The following HEPH variants were observed in gnomAD, a reference collection of about 807,000 sequenced individuals.
The protein encoded by HEPH is hephaestin.
In HEPH, 69 loss-of-function variants were observed where a neutral mutation model predicts 80.8. That is an observed-to-expected ratio of 0.85 (90% CI 0.70 to 1.04). HEPH has a LOEUF of 1.04. HEPH is among the 50% of genes least tolerant of loss of function. HEPH has a pLI of 0.00. For synonymous variants in HEPH, 431 were observed against 322.8 expected (o/e 1.34, Z -3.60); for missense variants, 1,115 against 891.3 (o/e 1.25, Z -3.20).
intron 15 of HEPH, among the ~76,000 whole-genome samples, chrX:66,226,873 C>T (rs971646430): frequency 9.0e-6 from 1 of 111,266 alleles, no homozygotes; most frequent in African/African-American, 3.3e-5. Flanking sequence ...GATTTGGTAC[C>T]CATGTTATTG....
At chrX:66,172,714 A>T in intron 3 of HEPH, 115 bp downstream of exon 3, 1 of 810,212 alleles carries the variant, frequency 1.2e-6, no homozygotes, top group Admixed American at 3.3e-5. Flanking sequence ...TATTTATCTG[A>T]GGTGGCAAAG....
intron 15 of HEPH, among the ~76,000 whole-genome samples, chrX:66,216,861 CAGCATA>C (rs761453972): frequency 2.7e-5 from 3 of 111,312 alleles, no homozygotes; most frequent in Non-Finnish European, 5.7e-5. Flanking sequence ...GTGAAATAGA[CAGCATA>C]AGTAAATAGT....
At chrX:66,187,899 T>TC (rs1269078195) in intron 4 of HEPH, among the ~76,000 whole-genome samples, 1 of 112,529 alleles carries the variant, frequency 8.9e-6, no homozygotes. Context: ...TTATTTTTTT[T>TC]CTTGCTTCAC....
intron 11 of HEPH, 198 bp from the exon 12 acceptor site, chrX:66,200,342 G>T (rs1246785940): frequency 7.0e-6 from 3 of 427,553 alleles, no homozygotes; most frequent in Non-Finnish European, 1.2e-5. Flanking sequence ...AGAAAGGACA[G>T]TTGAGCACTC....
chrX:66,256,399 C>T, intron 17 of HEPH, 69 bp downstream of exon 17: 1 of 730,218 alleles, frequency 1.4e-6, no homozygotes, highest in African/African-American at 2.1e-5. Flanking sequence ...ATTTAATAGG[C>T]CTATTGCTAC....
chrX:66,192,418 G>T (rs2147721762), intron 7 of HEPH, 120 bp downstream of exon 7: 1 of 811,155 alleles, frequency 1.2e-6, no homozygotes, highest in Non-Finnish European at 1.7e-6. Context: ...TCTGGCTGGG[G>T]TTACATGAAC....
At chrX:66,229,098 G>A (rs770955155) in intron 15 of HEPH, among the ~76,000 whole-genome samples, 4 of 112,086 alleles carry the variant, frequency 3.6e-5, no homozygotes, top group Non-Finnish European at 7.5e-5. Context: ...ATAGCAGCAC[G>A]ATTTGCAATT....
chrX:66,244,763 C>A (rs1259936166), intron 15 of HEPH, among the ~76,000 whole-genome samples: 3 of 111,053 alleles, frequency 2.7e-5, no homozygotes, highest in Non-Finnish European at 5.7e-5. Flanking sequence ...TGTGCTGATT[C>A]TTTTTCATCT....
Position 66,192,274 on chromosome X carries a change from G to A in HEPH, c.1208G>A (p.Gly403Glu), listed in dbSNP as rs1361401783. 1 of 1,207,899 alleles carries A rather than the reference G, an allele frequency of 8.3e-7. No individual in the cohort carries two copies. Among genetic ancestry groups the A allele is most frequent in the Non-Finnish European group, 1.1e-6 (1 of 893,778 alleles). ...CCGATGGGGCATGATGGGAGTACTG[G>A]GAAGAATTTGAGAGAGCCAGGCAGG... ...YGPMGHDGST[G>E]KNLREPGSIS... The change falls in exon 7 of 21, where the codon GGG becomes GAG. Residue 403 changes from glycine (G) to glutamate (E), a missense_variant. Physicochemically the swap from Gly to Glu is moderately conservative, Grantham distance 98. This residue lies in a region of HEPH where 391 missense variants were observed against 343.6 expected (regional missense o/e 1.14). Transcript: ENST00000343002.
At chrX:66,268,103 T>C (rs1602601996), downstream of HEPH, 1 of 112,279 alleles carries the variant, frequency 8.9e-6, no homozygotes, top group Middle Eastern at 4.6e-3. Context: ...ATTAAGTAAC[T>C]TCATCCAAGA....
downstream of HEPH, chrX:66,267,468 G>A (rs2091570544): frequency 8.9e-6 from 1 of 111,946 alleles, no homozygotes; most frequent in Non-Finnish European, 1.9e-5. Flanking sequence ...GGGGGTGAGT[G>A]AGTATAGTAT....
At chrX:66,216,491 A>G (rs913355882) in intron 15 of HEPH, among the ~76,000 whole-genome samples, 3 of 111,669 alleles carry the variant, frequency 2.7e-5, no homozygotes, top group African/African-American at 9.8e-5. Flanking sequence ...AGAAATAACA[A>G]TCACTGCAGT....
At position 66,173,644 on chromosome X, in the gene HEPH, C is replaced by T. The variant is rs1237895130; in HGVS notation, c.468C>T (p.Pro156=). The T allele has an allele frequency of 1.7e-6, 2 of 1,209,164 alleles. No individual in the cohort carries two copies. The highest frequency in any genetic ancestry group is 1.8e-5 in the African/African-American group (1 of 57,107). ...SGPLKADDSV[P]PGGSHIYNWT... ...CACTGAAAGCTGATGACTCTGTTCC[C>T]CCGGGGGGCAGCCATATCTACAACT... Residue 156 remains proline, a synonymous_variant, in exon 4 of 21, where the codon CCC becomes CCT. Transcript: ENST00000343002.
chrX:66,164,802 A>C (rs1420996083), intron 1 of HEPH, among the ~76,000 whole-genome samples: 4 of 112,208 alleles, frequency 3.6e-5, no homozygotes, highest in African/African-American at 1.3e-4. Context: ...TCTGAGGATT[A>C]TGTAAGTGGG....
chrX:66,232,362 C>A (rs1215490592), intron 15 of HEPH, among the ~76,000 whole-genome samples: 1 of 111,555 alleles, frequency 9.0e-6, no homozygotes, highest in Non-Finnish European at 1.9e-5. Flanking sequence ...AGTGTTGTTA[C>A]AATAATACTG....
At position 66,231,921 on chromosome X, in the gene HEPH, A is replaced by T. The variant is rs776306810; in HGVS notation, c.2564-23114A>T. 4.1e-3 allele frequency among the ~76,000 whole-genome samples: 455 copies of T among 110,509 alleles called. 4 individuals carry two copies. The highest frequency in any genetic ancestry group is 0.014 in the African/African-American group (426 of 29,939). On this transcript the variant is annotated intron_variant, in intron 15 of 20. Transcript: ENST00000343002. Reference sequence around the variant, plus strand: ...ATGATATTGGCTGTGGATTTGTCATAGATAGCTCTTATTATTTTGAAGTAC... The same window carrying T: ...ATGATATTGGCTGTGGATTTGTCATTGATAGCTCTTATTATTTTGAAGTAC...
In HEPH at chrX:66,187,366, C is replaced by T. The variant is rs2087516954; in HGVS notation, c.626-993C>T. Among the ~76,000 whole-genome samples, 4 of 111,087 alleles carry T rather than the reference C, an allele frequency of 3.6e-5. No homozygotes were observed. In the Admixed American group the frequency reaches 3.8e-4, roughly 11 times the overall value. On this transcript the variant is annotated intron_variant, in intron 4 of 20. Coordinates refer to ENST00000343002, the MANE Select transcript of HEPH (RefSeq NM_001367233.3). ...ATTACCTGAGTTGGGTTTCTGGTTC[C>T]TTCTCATTTGAGTGGGCTCTGTCAG...
At position 66,172,392 on chromosome X, in the gene HEPH, A is replaced by G; in HGVS notation, c.205A>G (p.Ile69Val). The G allele has an allele frequency of 8.3e-7, 1 of 1,197,814 alleles. No individual in the cohort carries two copies. Among genetic ancestry groups the G allele is most frequent in the Non-Finnish European group, 1.1e-6 (1 of 888,047 alleles). ...CTTCTTAAAGTCTGACAAGAACCGG[A>G]TAGGGGGAACCTACAAGAAGACCAT... ...SSFLKSDKNRIGGTYKKTIYK... is the reference protein window; with the variant it reads ...SSFLKSDKNRVGGTYKKTIYK... Residue 69 changes from isoleucine (I) to valine (V), a missense_variant, in exon 3 of 21, where the codon ATA (isoleucine) becomes GTA (valine). Physicochemically the swap from Ile to Val is conservative, Grantham distance 29 (BLOSUM62 3). Around this residue, in one of 3 missense-constraint regions of HEPH, gnomAD observed 391 missense variants for 343.6 expected, o/e 1.14. Coordinates refer to ENST00000343002, the MANE Select transcript of HEPH (RefSeq NM_001367233.3).
At chrX:66,179,729 C>A (rs1436692978) in intron 4 of HEPH, among the ~76,000 whole-genome samples, 2 of 110,715 alleles carry the variant, frequency 1.8e-5, no homozygotes, top group African/African-American at 3.3e-5. Context: ...TTTCTTAGGT[C>A]TATTAGTAAT....
Sources: allele counts gnomAD v4.1 joint callset (sites outside exome capture counted in the v4.1 genomes callset), GRCh38; gene constraint gnomAD v4.1.1; regional missense constraint gnomAD v4.1.1; transcripts MANE v1.5; gene names NCBI Gene and HGNC (gene_info 2026-07-23, HGNC 2026-07-21).